NPAS1: variants seen among roughly 807,000 people sequenced by gnomAD.
NPAS1 encodes the protein neuronal PAS domain protein 1.
A neutral mutation model predicts 49.2 loss-of-function variants in NPAS1; 29 were observed. The ratio of observed to expected loss-of-function variants is 0.59; its 90% confidence interval spans 0.44 to 0.80. The LOEUF (loss-of-function observed/expected upper bound fraction) is 0.80, where lower values mean the gene tolerates loss of function less well. Among genes scored for constraint, NPAS1 ranks in the 30% least tolerant of loss-of-function variants. The probability of loss-of-function intolerance (pLI) is 0.00; values close to 1 mark genes in which losing one functional copy is unlikely to be tolerated. For missense variants in NPAS1, 825 were observed against 835.5 expected (o/e 0.99, Z 0.15); for synonymous variants, 408 against 380.4 (o/e 1.07, Z -0.84).
intron 6 of NPAS1, among the ~76,000 whole-genome samples, chr19:47,038,503 G>A (rs139753432): frequency 4.6e-5 from 5 of 109,322 alleles, no homozygotes; most frequent in Non-Finnish European, 4.3e-5. Context: ...GTGACAGAGC[G>A]AGACTCCAGC....
At position 47,042,879 on chromosome 19, in the gene NPAS1, A is replaced by G; in HGVS notation, c.1287A>G (p.Ala429=). 3.7e-6 allele frequency: 6 copies of G among 1,604,234 alleles called. No individual in the cohort carries two copies. Among genetic ancestry groups the G allele is most frequent in the Non-Finnish European group, 5.1e-6 (6 of 1,175,648 alleles). The change falls in exon 11 of 12, where the codon GCA becomes GCG. Residue 429 remains alanine (A), a synonymous_variant. Coordinates refer to ENST00000602212, the MANE Select transcript of NPAS1 (RefSeq NM_002517.4). ...CAGCCAGCGTGGCCTGTGAGGAGGC[A>G]TCCAGCCCGGGGCCAGAGCCCACAG... is the stretch of plus-strand genomic sequence containing the variant. ...QLPASVACEE[A]SSPGPEPTEP...
chr19:47,039,284 G>A, intron 7 of NPAS1, 123 bp from the exon 8 acceptor site: 1 of 1,474,708 alleles, frequency 6.8e-7, no homozygotes. Flanking sequence ...TGGGACTGGG[G>A]GGGTCACACA....
chr19:47,045,057 CA>C, intron 11 of NPAS1, 133 bp from the exon 12 acceptor site: 1 of 864,740 alleles, frequency 1.2e-6, no homozygotes, highest in East Asian at 2.7e-5. Context: ...AAAAACAAAA[CA>C]AACAAACAAA....
chr19:47,020,080 A>C (rs10405564), intron 1 of NPAS1, 83 bp downstream of exon 1: 28,768 of 115,868 alleles, frequency 0.25, 3,173 homozygotes, highest in African/African-American at 0.43. Context: ...GTCCTGGGGG[A>C]TAGGGGGTGG....
Position 47,041,011 on chromosome 19 carries a change from A to G in NPAS1, c.1103A>G (p.Tyr368Cys). ...LDKGQVMTGY[Y>C]RWLQRAGGFV... is the part of the protein sequence containing the mutation. ...AAGGGTCAGGTGATGACTGGTTACT[A>G]CCGTTGGCTGCAGCGTGCCGGGGGC... The change falls in exon 10 of 12, where the codon TAC becomes TGC. Residue 368 changes from tyrosine to cysteine, a missense_variant. Coordinates refer to ENST00000602212, the MANE Select transcript of NPAS1 (RefSeq NM_002517.4). 6.5e-7 allele frequency: 1 copy of G among 1,541,590 alleles called. No homozygotes were observed. Among genetic ancestry groups the G allele is most frequent in the Non-Finnish European group, 8.7e-7 (1 of 1,146,390 alleles).
Position 47,021,615 on chromosome 19 carries a change from G to T in NPAS1, c.126G>T (p.Leu42=). 6.7e-7 allele frequency: 1 copy of T among 1,503,190 alleles called. No individual in the cohort carries two copies. The highest frequency in any genetic ancestry group is 8.9e-7 in the Non-Finnish European group (1 of 1,125,630). The allele number at this position is 1,503,190 out of a possible 1,614,324, so 93.1% of individuals were successfully genotyped here. The change falls in exon 3 of 12, where the codon CTG becomes CTT. Residue 42 remains leucine (L), a synonymous_variant. Coordinates refer to ENST00000602212, the MANE Select transcript of NPAS1 (RefSeq NM_002517.4). The surrounding 1 kb of genome is among the most constrained non-coding windows in gnomAD (Gnocchi z 5.7). Reference sequence around the variant, plus strand: ...CTCCTCCGCGCCGCCCGCCCAGCCTGCAGGCGCAGCGCAAGGAGAAGTCCC... The same window carrying T: ...CTCCTCCGCGCCGCCCGCCCAGCCTTCAGGCGCAGCGCAAGGAGAAGTCCC... ...LMVKAPSGPC[L]QAQRKEKSRN... is the part of the protein sequence containing the mutation.
intron 3 of NPAS1, among the ~76,000 whole-genome samples, chr19:47,027,488 G>C (rs188077188): frequency 8.3e-5 from 4 of 48,382 alleles, no homozygotes; most frequent in African/African-American, 3.6e-4. Context: ...CTGGTCTCCC[G>C]TCTCTCTGCC....
At position 47,045,331 on chromosome 19, in the gene NPAS1, A is replaced by T. The variant is rs1383072414; in HGVS notation, c.1453A>T (p.Ser485Cys). ...GGACAGTGGCGACGAGGATCCCTCC[A>T]GCCACCCGGCCACACCGAGGCCCGA... ...SEDSGDEDPS[S>C]HPATPRPEFT... The change falls in exon 12 of 12, where the codon AGC becomes TGC. Residue 485 changes from serine (S) to cysteine (C), a missense_variant. By Grantham distance (112) the Ser-to-Cys change is moderately radical. Coordinates refer to ENST00000602212, the MANE Select transcript of NPAS1 (RefSeq NM_002517.4). The T allele has an allele frequency of 6.2e-7, 1 of 1,613,920 alleles. No homozygotes were observed.
At chr19:47,032,795 T>G (rs1474179556) in intron 5 of NPAS1, 63 bp downstream of exon 5, 46 of 1,172,832 alleles carry the variant, frequency 3.9e-5, no homozygotes, top group Non-Finnish European at 5.8e-5. Context: ...GGCCTATGCA[T>G]ATCCTTCCTC....
At chr19:47,029,601 ATGTTGGCCAGGCTGGTCTTGAAC>A (rs995989210) in intron 3 of NPAS1, among the ~76,000 whole-genome samples, 11 of 152,078 alleles carry the variant, frequency 7.2e-5, no homozygotes, top group Admixed American at 6.6e-4. Context: ...AAGTTTCACC[ATGTTGGCCAGGCTGGTCTTGAAC>A]TCCTGGCCTC....
At position 47,045,308 on chromosome 19, in the gene NPAS1, A is replaced by T; in HGVS notation, c.1430A>T (p.Asp477Val). ...PGPRETKGSEDSGDEDPSSHP... is the reference protein window; with the variant it reads ...PGPRETKGSEVSGDEDPSSHP... ...CCGAGGGAAACCAAAGGCTCCGAGGACAGTGGCGACGAGGATCCCTCCAGC... is the reference window on the plus strand; with the variant it reads ...CCGAGGGAAACCAAAGGCTCCGAGGTCAGTGGCGACGAGGATCCCTCCAGC... Residue 477 changes from aspartate to valine, a missense_variant, in exon 12 of 12, where the codon GAC (aspartate) becomes GTC (valine). Asp to Val is a radical substitution (Grantham distance 152). Transcript: ENST00000602212. 1 of 1,614,030 alleles carries T rather than the reference A, an allele frequency of 6.2e-7. No homozygotes were observed. Among genetic ancestry groups the T allele is most frequent in the Non-Finnish European group, 8.5e-7 (1 of 1,180,016 alleles).
At chr19:47,038,960 T>C in intron 6 of NPAS1, 76 bp from the exon 7 acceptor site, 4 of 1,250,018 alleles carry the variant, frequency 3.2e-6, no homozygotes, top group Non-Finnish European at 4.7e-6. Context: ...TATGTCCGGC[T>C]GGCTCTGCAA....
chr19:47,036,216 C>T, intron 6 of NPAS1, 87 bp downstream of exon 6: 1 of 1,343,290 alleles, frequency 7.4e-7, no homozygotes, highest in Admixed American at 2.0e-5. Context: ...CGCGTTTATA[C>T]AAATAGCAGT....
intron 9 of NPAS1, 198 bp downstream of exon 9, chr19:47,040,748 G>T (rs994228849): frequency 4.7e-5 from 28 of 598,282 alleles, no homozygotes; most frequent in African/African-American, 3.9e-4. Context: ...TGGGGGGGGG[G>T]TCTGGGGGGC....
intron 1 of NPAS1, chr19:47,020,765 AGGCGGGCGCGCT>A: frequency 4.6e-6 from 1 of 219,346 alleles, no homozygotes; most frequent in Non-Finnish European, 8.8e-6. Flanking sequence ...CGCGGGCGTG[AGGCGGGCGCGCT>A]GGCGGGCGGC....
rs2057071051 is a variant in NPAS1, at chr19:47,045,606, C to T, written c.1728C>T (p.Pro576=). The part of the protein sequence containing the change: ...PEAFYPPLGL[P]YPGPAGTRLP... ...CCTTTTACCCGCCCCTGGGCCTGCCCTACCCGGGGCCCGCGGGCACCAGGC... is the reference window on the plus strand; with the variant it reads ...CCTTTTACCCGCCCCTGGGCCTGCCTTACCCGGGGCCCGCGGGCACCAGGC... The change falls in exon 12 of 12, where the codon CCC becomes CCT. Residue 576 remains proline, a synonymous_variant. Transcript: ENST00000602212. The T allele has an allele frequency of 2.7e-6, 4 of 1,454,882 alleles. No individual in the cohort carries two copies. Among genetic ancestry groups the T allele is most frequent in the African/African-American group, 1.5e-5 (1 of 67,528 alleles). 90.1% of individuals were successfully genotyped at this position (1,454,882 alleles called of 1,614,324 possible).
At chr19:47,041,532 C>G (rs534858321) in intron 10 of NPAS1, among the ~76,000 whole-genome samples, 3 of 152,120 alleles carry the variant, frequency 2.0e-5, no homozygotes, top group African/African-American at 7.2e-5. Context: ...AAGCAACAGC[C>G]TGACCCTAAA....
In NPAS1 at chr19:47,039,477, C is replaced by T. The variant is rs1323396741; in HGVS notation, c.875C>T (p.Pro292Leu). 9 of 1,610,196 alleles carry T rather than the reference C, an allele frequency of 5.6e-6. No homozygotes were observed. Among genetic ancestry groups the T allele is most frequent in the East Asian group, 2.2e-5 (1 of 44,794 alleles). ...GLVALGHTLP[P>L]APLAELPLHG... ...GTGGCCCTCGGGCACACGTTGCCCCCGGCCCCCCTGGCTGAGCTGCCACTC... is the reference window on the plus strand; with the variant it reads ...GTGGCCCTCGGGCACACGTTGCCCCTGGCCCCCCTGGCTGAGCTGCCACTC... The change falls in exon 8 of 12, where the codon CCG becomes CTG. Residue 292 changes from proline to leucine, a missense_variant. Pro to Leu is a moderately conservative substitution (Grantham distance 98, BLOSUM62 -3). Transcript: ENST00000602212.
In NPAS1 at chr19:47,021,168, T is replaced by C. The variant is rs2056837804; in HGVS notation, c.121T>C (p.Cys41Arg). 1 of 1,575,154 alleles carries C rather than the reference T, an allele frequency of 6.3e-7. No homozygotes were observed. Among genetic ancestry groups the C allele is most frequent in the South Asian group, 1.2e-5 (1 of 86,042 alleles). ...GATGGTCAAGGCGCCGTCCGGACCG[T>C]GGTGAGCAAAGCCCCGCCCCCCTGG... ...GLMVKAPSGP[C>R]LQAQRKEKSR... The change falls in exon 2 of 12, where the codon TGC becomes CGC. Residue 41 changes from cysteine to arginine, a missense_variant and splice_region_variant. By Grantham distance (180) the Cys-to-Arg change is radical. Transcript: ENST00000602212. This position sits in a 1 kb window ranked among gnomAD's most constrained non-coding sequence, Gnocchi z 5.7.
Sources: gnomAD v4.1 joint callset for allele counts (sites outside exome capture counted in the v4.1 genomes callset) on GRCh38, gnomAD v4.1.1 for gene constraint, Gnocchi (gnomAD v3.1) non-coding constraint, MANE v1.5 for transcripts, NCBI Gene and HGNC (gene_info 2026-07-23, HGNC 2026-07-21) for gene names.